Variants in DUSP14 observed in about 807,000 individuals in gnomAD.
DUSP14 encodes dual specificity protein phosphatase 14.
DUSP14 carries 5 observed loss-of-function variants against 13.2 expected under a neutral mutation model. The observed-to-expected ratio is 0.38, with a 90% CI of 0.20 to 0.80. The LOEUF is 0.80. Among genes scored for constraint, DUSP14 ranks in the 30% least tolerant of loss-of-function variants. The probability of loss-of-function intolerance (pLI) is 0.44; values close to 1 mark genes in which losing one functional copy is unlikely to be tolerated. For synonymous variants in DUSP14, 91 were observed against 103.4 expected (o/e 0.88, Z 0.73); for missense variants, 185 against 264.0 (o/e 0.70, Z 2.07).
chr17:37,502,130 G>A (rs541909827), intron 1 of DUSP14, among the ~76,000 whole-genome samples: 1 of 152,008 alleles, frequency 6.6e-6, no homozygotes, highest in East Asian at 1.9e-4. Flanking sequence ...TCTAAAACTC[G>A]TTGTAAAATA....
intron 1 of DUSP14, among the ~76,000 whole-genome samples, chr17:37,493,326 T>C (rs1387326503): frequency 6.6e-6 from 1 of 152,190 alleles, no homozygotes; most frequent in Non-Finnish European, 1.5e-5. Context: ...GATGGACATC[T>C]GGGTTGTTTC....
intron 1 of DUSP14, among the ~76,000 whole-genome samples, chr17:37,494,780 A>G (rs556322364): frequency 6.6e-6 from 1 of 152,212 alleles, no homozygotes; most frequent in Non-Finnish European, 1.5e-5. Flanking sequence ...GGTTTACAAA[A>G]TACCTCAGGG....
intron 1 of DUSP14, among the ~76,000 whole-genome samples, chr17:37,509,127 A>ATATATATATATATG (rs2054158995): frequency 2.4e-5 from 1 of 42,482 alleles, no homozygotes; most frequent in African/African-American, 1.2e-4. Flanking sequence ...ATATATATAT[A>ATATATATATATATG]TACACACACA....
chr17:37,490,925 G>C (rs1048081896), intron 1 of DUSP14, among the ~76,000 whole-genome samples: 1 of 152,102 alleles, frequency 6.6e-6, no homozygotes, highest in African/African-American at 2.4e-5. Context: ...GAGTCTCCTG[G>C]AATTCCTAGT....
At position 37,509,152 on chromosome 17, in the gene DUSP14, CACACACACACACACACTCTA is replaced by C. The variant is rs1263159891; in HGVS notation, c.-180-1524_-180-1505del. 2.4e-4 allele frequency among the ~76,000 whole-genome samples: 13 copies of C among 55,088 alleles called. 2 individuals carry two copies. Among genetic ancestry groups the C allele is most frequent in the Admixed American group, 5.0e-4 (2 of 4,020 alleles). 36.1% of individuals were successfully genotyped at this position (55,088 alleles called of 152,430 possible). On this transcript the variant is annotated intron_variant, in intron 1 of 2. Coordinates refer to ENST00000617516, the MANE Select transcript of DUSP14 (RefSeq NM_007026.4). ...ATACACACACACACACACACACACA[CACACACACACACACACTCTA>C]TATATATATGTACTATGTATATGTG...
chr17:37,509,123 A>ATG, intron 1 of DUSP14, among the ~76,000 whole-genome samples: 1 of 28,660 alleles, frequency 3.5e-5, no homozygotes, highest in African/African-American at 2.0e-4. Flanking sequence ...ATATATATAT[A>ATG]TATATACACA....
chr17:37,496,478 G>C (rs572026362), intron 1 of DUSP14, among the ~76,000 whole-genome samples: 1 of 151,920 alleles, frequency 6.6e-6, no homozygotes, highest in South Asian at 2.1e-4. Context: ...GTGTTAGGCC[G>C]GGCACGGTAG....
At chr17:37,502,267 G>C (rs922860623) in intron 1 of DUSP14, among the ~76,000 whole-genome samples, 14 of 151,560 alleles carry the variant, frequency 9.2e-5, no homozygotes, top group African/African-American at 3.4e-4. Context: ...CTGCCCCTTT[G>C]ACCTTCTGGA....
intron 1 of DUSP14, among the ~76,000 whole-genome samples, chr17:37,498,267 T>G (rs886912745): frequency 1.3e-5 from 2 of 150,374 alleles, no homozygotes; most frequent in Admixed American, 6.6e-5. Flanking sequence ...CCAAAGGTGA[T>G]CCAAAATGGA....
At chr17:37,500,288 G>A (rs558557081) in intron 1 of DUSP14, among the ~76,000 whole-genome samples, 22 of 152,346 alleles carry the variant, frequency 1.4e-4, no homozygotes, top group African/African-American at 4.8e-4. Flanking sequence ...ATAGGGTGAA[G>A]GTTGAAACTC....
intron 1 of DUSP14, among the ~76,000 whole-genome samples, chr17:37,507,004 C>G (rs959537047): frequency 3.9e-5 from 6 of 152,204 alleles, no homozygotes; most frequent in African/African-American, 1.4e-4. Context: ...GAGAACACAG[C>G]CACGATTTAG....
intron 1 of DUSP14, among the ~76,000 whole-genome samples, chr17:37,501,881 TC>T (rs2054107690): frequency 6.6e-6 from 1 of 152,078 alleles, no homozygotes; most frequent in Non-Finnish European, 1.5e-5. Flanking sequence ...ATAAAACAAC[TC>T]CCCAAGAAAC....
In DUSP14 at chr17:37,511,937, A is replaced by AGTTTTTTT. The variant is rs1329764853; in HGVS notation, c.-92-244_-92-243insGTTTTTTT. ...TGCCCAGCCACCCCCCCCCCACCCC[A>AGTTTTTTT]CTTTTTTTTTTTTTTTTTTGGACAA... On this transcript the variant is annotated intron_variant, in intron 2 of 2. Transcript: ENST00000617516. 6.1e-4 allele frequency among the ~76,000 whole-genome samples: 10 copies of AGTTTTTTT among 16,438 alleles called. 1 individual carries two copies. The highest frequency in any genetic ancestry group is 8.3e-4 in the African/African-American group (4 of 4,832). The allele number at this position is 16,438 out of a possible 152,430, so 10.8% of individuals were successfully genotyped here.
chr17:37,490,188 C>G (rs1337470543), intron 1 of DUSP14, among the ~76,000 whole-genome samples: 1 of 149,498 alleles, frequency 6.7e-6, no homozygotes, highest in Non-Finnish European at 1.5e-5. Flanking sequence ...GCACCCTCGC[C>G]GGCCCTGAGC....
intron 1 of DUSP14, among the ~76,000 whole-genome samples, chr17:37,509,465 T>G (rs2054168791): frequency 6.7e-6 from 1 of 150,144 alleles, no homozygotes; most frequent in South Asian, 2.1e-4. Context: ...GGATTACAGG[T>G]GTGTGCCATC....
chr17:37,511,921 A>ACCCCCCCC (rs71135738), intron 2 of DUSP14, among the ~76,000 whole-genome samples: 1 of 49,472 alleles, frequency 2.0e-5, no homozygotes, highest in Non-Finnish European at 3.9e-5. Flanking sequence ...ATGCCCAGCC[A>ACCCCCCCC]CCCCCCCCCC....
rs116791403 is a variant in DUSP14, at chr17:37,497,684, C to T, written c.-181+7726C>T. Among the ~76,000 whole-genome samples, 1,053 of 150,856 alleles carry T rather than the reference C, an allele frequency of 7.0e-3. 5 individuals carry two copies. Among genetic ancestry groups the T allele is most frequent in the African/African-American group, 0.024 (987 of 40,958 alleles). ...CTGAGGTGGAAGGACTGCTTGAGCT[C>T]AGGAGGTCGAGGCTGCAGTAAGCCA... On this transcript the variant is annotated intron_variant, in intron 1 of 2. Coordinates refer to ENST00000617516, the MANE Select transcript of DUSP14 (RefSeq NM_007026.4).
intron 1 of DUSP14, among the ~76,000 whole-genome samples, chr17:37,502,824 G>A (rs1026620548): frequency 2.6e-5 from 4 of 152,060 alleles, no homozygotes; most frequent in African/African-American, 9.7e-5. Flanking sequence ...AGCAGTGTGC[G>A]ACATGTTTGT....
chr17:37,500,655 T>C (rs1293362693), intron 1 of DUSP14, among the ~76,000 whole-genome samples: 2 of 152,354 alleles, frequency 1.3e-5, no homozygotes, highest in East Asian at 3.9e-4. Flanking sequence ...ACCAAGCACA[T>C]ATGATTCACA....
Sources: allele counts gnomAD v4.1 joint callset (sites outside exome capture counted in the v4.1 genomes callset), GRCh38; gene constraint gnomAD v4.1.1; transcripts MANE v1.5; gene names NCBI Gene and HGNC (gene_info 2026-07-23, HGNC 2026-07-21).